KIAA1549L: variants seen among roughly 807,000 people sequenced by gnomAD.
KIAA1549L encodes the protein KIAA1549 like.
Under a neutral mutation model 160.7 loss-of-function variants are expected in KIAA1549L, and 88 were observed. The ratio of observed to expected loss-of-function variants is 0.55; its 90% CI spans 0.46 to 0.65. The LOEUF is 0.65. Ranked by LOEUF, KIAA1549L falls within the 30% of genes least tolerant of loss-of-function variation. The pLI is 0.00. For missense variants in KIAA1549L, 2,258 were observed against 2,437.5 expected, an observed-to-expected ratio of 0.93 and a Z score of 1.55; for synonymous variants, 950 against 976.7, an observed-to-expected ratio of 0.97 and a Z score of 0.51.
intron 2 of KIAA1549L, 124 bp downstream of exon 2, chr11:33,544,460 C>G: frequency 9.5e-7 from 1 of 1,053,266 alleles, no homozygotes. Context: ...AGCTCATACC[C>G]CCGATCAGGA....
rs774105743 is a variant in KIAA1549L, at chr11:33,606,771, G to A, written c.5010G>A (p.Val1670=). ...IAIKPTALPM[V]PPTSDRSQES... ...TAAAACCCACAGCCCTCCCCATGGT[G>A]CCCCCCACCTCGGACAGGAGCCAGG... The change falls in exon 14 of 21, where the codon GTG becomes GTA. Residue 1670 remains valine (V), a synonymous_variant. Coordinates refer to ENST00000658780, the MANE Select transcript of KIAA1549L (RefSeq NM_012194.3). 6.3e-5 allele frequency: 101 copies of A among 1,613,108 alleles called. No homozygotes were observed. The highest frequency in any genetic ancestry group is 8.0e-5 in the Non-Finnish European group (94 of 1,179,644).
intron 1 of KIAA1549L, among the ~76,000 whole-genome samples, chr11:33,446,740 T>C (rs1851620335): frequency 6.6e-6 from 1 of 152,190 alleles, no homozygotes; most frequent in African/African-American, 2.4e-5. Flanking sequence ...GGAACATTGC[T>C]TCTTTTCCAC....
Position 33,439,025 on chromosome 11 carries a change from C to T in KIAA1549L, c.238+62136C>T, listed in dbSNP as rs192453182. Among the ~76,000 whole-genome samples the T allele has an allele frequency of 8.1e-3, 1,225 of 152,096 alleles. 17 individuals carry two copies. The highest frequency in any genetic ancestry group is 0.028 in the African/African-American group (1,160 of 41,492). ...CACTGCAACCTCTGCCTCTCGGATT[C>T]AAGCAATTCTCCTGCCTCAACCTCC... On this transcript the variant is annotated intron_variant, in intron 1 of 20. Coordinates refer to ENST00000658780, the MANE Select transcript of KIAA1549L (RefSeq NM_012194.3).
intron 1 of KIAA1549L, among the ~76,000 whole-genome samples, chr11:33,435,548 TA>T (rs1482735611): frequency 6.6e-6 from 1 of 151,524 alleles, no homozygotes; most frequent in Non-Finnish European, 1.5e-5. Context: ...CTGTTGCTTT[TA>T]AAAAACATTT....
intron 16 of KIAA1549L, among the ~76,000 whole-genome samples, chr11:33,641,596 A>ACACAG (rs1564936855): frequency 4.9e-5 from 1 of 20,400 alleles, no homozygotes; most frequent in African/African-American, 7.5e-4. Flanking sequence ...ATATATATAT[A>ACACAG]TATATATATA....
intron 1 of KIAA1549L, among the ~76,000 whole-genome samples, chr11:33,500,317 G>T (rs762922008): frequency 1.3e-5 from 2 of 152,116 alleles, no homozygotes; most frequent in Non-Finnish European, 2.9e-5. Context: ...ACTGATATGA[G>T]AATTAAATGA....
At position 33,642,249 on chromosome 11, in the gene KIAA1549L, C is replaced by T. The variant is rs75241945; in HGVS notation, c.5410-3437C>T. Among the ~76,000 whole-genome samples the T allele has an allele frequency of 9.1e-3, 1,389 of 152,328 alleles. 17 individuals are homozygous for T. Among genetic ancestry groups the T allele is most frequent in the African/African-American group, 0.022 (895 of 41,572 alleles). On this transcript the variant is annotated intron_variant, in intron 16 of 20. Coordinates refer to ENST00000658780, the MANE Select transcript of KIAA1549L (RefSeq NM_012194.3). ...TGCAACTTCTTATTGTCATGCAACTCATTAGCATTGGAAGAAATGTGTTAG... is the reference window on the plus strand; with the variant it reads ...TGCAACTTCTTATTGTCATGCAACTTATTAGCATTGGAAGAAATGTGTTAG...
At chr11:33,432,564 AC>A (rs1851271722) in intron 1 of KIAA1549L, among the ~76,000 whole-genome samples, 1 of 152,190 alleles carries the variant, frequency 6.6e-6, no homozygotes, top group South Asian at 2.1e-4. Context: ...AGGGAAATAA[AC>A]ATATCTTTTC....
rs539138528 is a variant in KIAA1549L at position 33,545,037 on chromosome 11, C to G, written c.3044C>G (p.Thr1015Arg). ...ACACCAACCTACATGTATGCAAGAA[C>G]AGGACATACCACGAGCACACATACA... is the stretch of plus-strand genomic sequence containing the variant. Reference protein sequence around the residue: ...PFTPTYMYARTGHTTSTHTAM... With the variant: ...PFTPTYMYARRGHTTSTHTAM... The change falls in exon 3 of 21, where the codon ACA becomes AGA. Residue 1015 changes from threonine to arginine, a missense_variant. Thr to Arg is a moderately conservative substitution (Grantham distance 71). This residue lies in a region of KIAA1549L where 1,359 missense variants were observed against 1,546.6 expected (regional missense o/e 0.88). Coordinates refer to ENST00000658780, the MANE Select transcript of KIAA1549L (RefSeq NM_012194.3). 1.9e-6 allele frequency: 3 copies of G among 1,614,024 alleles called. No individual in the cohort carries two copies. The South Asian group carries it at 3.3e-5, about 18-fold the overall frequency.
At chr11:33,536,148 C>T (rs996239628) in intron 1 of KIAA1549L, among the ~76,000 whole-genome samples, 60 of 152,194 alleles carry the variant, frequency 3.9e-4, no homozygotes. Context: ...GTGAGGGACA[C>T]GACCACACAT....
chr11:33,477,520 A>ACACACACACACACACAC (rs1554981526), intron 1 of KIAA1549L, among the ~76,000 whole-genome samples: 1 of 146,914 alleles, frequency 6.8e-6, no homozygotes, highest in African/African-American at 2.5e-5. Context: ...CACACACACA[A>ACACACACACACACACAC]ACACACACAC....
intron 9 of KIAA1549L, among the ~76,000 whole-genome samples, chr11:33,573,924 G>C (rs923047698): frequency 5.3e-5 from 8 of 152,126 alleles, no homozygotes; most frequent in African/African-American, 1.9e-4. Context: ...GTATGCATCA[G>C]AATGCCATGT....
At chr11:33,507,727 G>C (rs576000725) in intron 1 of KIAA1549L, among the ~76,000 whole-genome samples, 18 of 152,312 alleles carry the variant, frequency 1.2e-4, no homozygotes, top group African/African-American at 4.3e-4. Flanking sequence ...ACCCCGAACA[G>C]AGTAAGTACT....
intron 1 of KIAA1549L, among the ~76,000 whole-genome samples, chr11:33,435,614 T>C (rs1156684654): frequency 1.3e-5 from 2 of 151,136 alleles, no homozygotes; most frequent in African/African-American, 4.9e-5. Flanking sequence ...ACTGATATGC[T>C]AAATGTCTAG....
At chr11:33,507,308 T>A (rs527515471) in intron 1 of KIAA1549L, among the ~76,000 whole-genome samples, 1 of 152,298 alleles carries the variant, frequency 6.6e-6, no homozygotes, top group African/African-American at 2.4e-5. Context: ...TGGAGCATGA[T>A]ATAAAAGCTT....
At chr11:33,484,287 A>T (rs1202087219) in intron 1 of KIAA1549L, among the ~76,000 whole-genome samples, 1 of 152,036 alleles carries the variant, frequency 6.6e-6, no homozygotes, top group African/African-American at 2.4e-5. Flanking sequence ...TCAAATGGAG[A>T]ATGTTGTCTT....
Position 33,574,884 on chromosome 11 carries a change from G to A in KIAA1549L, c.4402+11G>A. The A allele has an allele frequency of 6.2e-7, 1 of 1,607,864 alleles. No individual in the cohort carries two copies. Among genetic ancestry groups the A allele is most frequent in the Non-Finnish European group, 8.5e-7 (1 of 1,176,174 alleles). On this transcript the variant is annotated intron_variant, in intron 10 of 20. Coordinates refer to ENST00000658780, the MANE Select transcript of KIAA1549L (RefSeq NM_012194.3). ...TTCTGCAAGCTGACCGTAAGGGAAT[G>A]GTCTTTTTATTCAGTCTTTTTAATG...
rs77214755 is a variant in KIAA1549L, at chr11:33,607,159, G to A, written c.5061+337G>A. On this transcript the variant is annotated intron_variant, in intron 14 of 20. Transcript: ENST00000658780. ...CCTTTCTTGGTGACACTCCTAAACTGTCCATTGTGGGATGTTGCTTGTAGT... is the reference window on the plus strand; with the variant it reads ...CCTTTCTTGGTGACACTCCTAAACTATCCATTGTGGGATGTTGCTTGTAGT... Among the ~76,000 whole-genome samples the A allele has an allele frequency of 3.2e-4, 48 of 152,250 alleles. No homozygotes were observed. In the East Asian group the frequency reaches 9.1e-3, roughly 29 times the overall value.
At chr11:33,396,564 G>A (rs1162504397) in intron 1 of KIAA1549L, among the ~76,000 whole-genome samples, 1 of 152,106 alleles carries the variant, frequency 6.6e-6, no homozygotes, top group East Asian at 1.9e-4. Flanking sequence ...TGCGTAACTA[G>A]GACACAGCCT....
Sources: gnomAD v4.1 joint callset for allele counts (sites outside exome capture counted in the v4.1 genomes callset) on GRCh38, gnomAD v4.1.1 for gene constraint, gnomAD v4.1.1 regional missense constraint, MANE v1.5 for transcripts, NCBI Gene and HGNC (gene_info 2026-07-23, HGNC 2026-07-21) for gene names.